MTCL1: variants seen among roughly 807,000 people sequenced by gnomAD.
The protein encoded by MTCL1 is microtubule cross-linking factor 1.
MTCL1 carries 79 observed loss-of-function variants against 141.4 expected under a neutral mutation model. The observed-to-expected ratio is 0.56, with a 90% CI of 0.47 to 0.67. The LOEUF (loss-of-function observed/expected upper bound fraction) is 0.67. Ranked by LOEUF, MTCL1 falls within the 30% of genes least tolerant of loss-of-function variation. The pLI is 0.00. For missense variants in MTCL1, 2,177 were observed against 2,113.9 expected (o/e 1.03, Z -0.59); for synonymous variants, 914 against 875.8 (o/e 1.04, Z -0.77).
At chr18:8,784,660 C>T (rs140313696) in exon 6 of MTCL1, 157 of 1,614,086 alleles carry the variant, frequency 9.7e-5, no homozygotes, top group Admixed American at 8.0e-4. Flanking sequence ...GGACCATCAA[C>T]GCCAAGATGA....
At chr18:8,831,075 C>T in intron 16 of MTCL1, 5 of 985,796 alleles carry the variant, frequency 5.1e-6, no homozygotes, top group Non-Finnish European at 6.0e-6. Flanking sequence ...TAAGCTACTC[C>T]CAGTCAATTT....
rs1039456650 is a variant in MTCL1, at chr18:8,706,534, G to T, written c.874G>T (p.Gly292Cys). The change falls in exon 1 of 14, where the codon GGT (glycine) becomes TGT (cysteine). Residue 292 changes from glycine (G) to cysteine (C), a missense_variant. Coordinates refer to the MTCL1 transcript ENST00000306329. The stretch of plus-strand genomic sequence containing the variant: ...GAGCATCCCGAGCGGGGTTTCGGGG[G>T]GTTTCGCGGGGCCCGGCGTGGCGGA... The T allele has an allele frequency of 2.9e-6, 4 of 1,373,468 alleles. No homozygotes were observed. The African/African-American group carries it at 6.1e-5, about 21-fold the overall frequency. 85.1% of individuals were successfully genotyped at this position (1,373,468 alleles called of 1,614,324 possible). A position where few individuals can be genotyped will look rare whatever the true frequency, so the allele number is the denominator to read the frequency against.
At chr18:8,762,652 T>C (rs1205743593) in intron 4 of MTCL1, among the ~76,000 whole-genome samples, 2 of 152,226 alleles carry the variant, frequency 1.3e-5, no homozygotes, top group African/African-American at 4.8e-5. Flanking sequence ...ACAGAGCGGC[T>C]GCCAGAACCC....
At chr18:8,738,740 G>A (rs2096286273) in intron 4 of MTCL1, among the ~76,000 whole-genome samples, 1 of 152,188 alleles carries the variant, frequency 6.6e-6, no homozygotes, top group South Asian at 2.1e-4. Flanking sequence ...GAGTGGATAG[G>A]GAGGCTCACA....
chr18:8,759,595 T>C (rs774636534), intron 4 of MTCL1, among the ~76,000 whole-genome samples: 6 of 152,122 alleles, frequency 3.9e-5, no homozygotes, highest in Non-Finnish European at 8.8e-5. Flanking sequence ...AAAACAATCT[T>C]ATGGGAAGAA....
At chr18:8,758,044 CAG>C (rs1471665361) in intron 4 of MTCL1, among the ~76,000 whole-genome samples, 1 of 131,396 alleles carries the variant, frequency 7.6e-6, no homozygotes. Flanking sequence ...TTTTTTGAGA[CAG>C]AGTTTCACTC....
chr18:8,767,120 C>T (rs1253869908), intron 4 of MTCL1, among the ~76,000 whole-genome samples: 3 of 152,160 alleles, frequency 2.0e-5, no homozygotes, highest in Non-Finnish European at 4.4e-5. Context: ...GGTTTTTGCT[C>T]CTTAAGAATC....
At chr18:8,784,169 C>T in exon 6 of MTCL1, 1 of 1,613,858 alleles carries the variant, frequency 6.2e-7, no homozygotes, top group Non-Finnish European at 8.5e-7. Flanking sequence ...CGGCAAGGTG[C>T]TCAAACTGCA....
At chr18:8,801,257 C>T (rs2076112145) in intron 10 of MTCL1, among the ~76,000 whole-genome samples, 1 of 152,078 alleles carries the variant, frequency 6.6e-6, no homozygotes, top group African/African-American at 2.4e-5. Flanking sequence ...GAAAAACTTC[C>T]AGAAAGAGCA....
At chr18:8,786,114 C>CCCCCCCA in intron 7 of MTCL1, 23 bp downstream of exon 6, 3 of 1,387,386 alleles carry the variant, frequency 2.2e-6, no homozygotes, top group South Asian at 2.5e-5. Context: ...AAGCAATCCC[C>CCCCCCCA]CCCCCCCGCC....
At chr18:8,817,909 C>G (rs2076711198) in intron 12 of MTCL1, among the ~76,000 whole-genome samples, 2 of 152,158 alleles carry the variant, frequency 1.3e-5, no homozygotes, top group Non-Finnish European at 2.9e-5. Context: ...GAAAGGGAAG[C>G]AATGAGGAGG....
chr18:8,743,995 G>C (rs2096320223), intron 4 of MTCL1, among the ~76,000 whole-genome samples: 1 of 152,240 alleles, frequency 6.6e-6, no homozygotes, highest in South Asian at 2.1e-4. Flanking sequence ...CATTTATTCT[G>C]CATGACTGGA....
chr18:8,816,469 C>T (rs1260310014), intron 12 of MTCL1, among the ~76,000 whole-genome samples: 1 of 152,196 alleles, frequency 6.6e-6, no homozygotes, highest in Non-Finnish European at 1.5e-5. Flanking sequence ...CACATTTTAT[C>T]TCTCTTATCA....
rs190881169 is a variant in MTCL1, at chr18:8,822,593, A to G, written c.3188+1095A>G. Among the ~76,000 whole-genome samples, 1 of 152,340 alleles carries G rather than the reference A, an allele frequency of 6.6e-6. No individual in the cohort carries two copies. Among genetic ancestry groups the G allele is most frequent in the East Asian group, 1.9e-4 (1 of 5,186 alleles). The stretch of plus-strand genomic sequence containing the variant: ...GGCGTGAGCCACTGTGCCCAGCCCA[A>G]ACTGCCTGGGTTTGAATCGCTTCTG... On this transcript the variant is annotated intron_variant, in intron 14 of 16. Transcript: ENST00000359865. This position sits in a 1 kb window ranked among gnomAD's most constrained non-coding sequence, Gnocchi z 4.6.
intron 4 of MTCL1, among the ~76,000 whole-genome samples, chr18:8,733,568 G>T (rs1202868049): frequency 6.6e-6 from 1 of 152,068 alleles, no homozygotes; most frequent in Admixed American, 6.6e-5. Flanking sequence ...ACCACACCTG[G>T]CTAATTTTTG....
At chr18:8,777,953 A>T in intron 5 of MTCL1, 61 bp downstream of exon 4, 2 of 1,506,220 alleles carry the variant, frequency 1.3e-6, no homozygotes, top group Non-Finnish European at 1.8e-6. Context: ...CTCATTTTGA[A>T]TGTTTTTCAG....
chr18:8,714,941 T>C (rs545846801), upstream of MTCL1, among the ~76,000 whole-genome samples: 316 of 152,066 alleles, frequency 2.1e-3, 4 homozygotes, highest in African/African-American at 6.8e-3. Context: ...GGACTACAGG[T>C]GCCCGCCACC....
At chr18:8,719,389 C>A (rs1294447624) in intron 3 of MTCL1, among the ~76,000 whole-genome samples, 2 of 152,172 alleles carry the variant, frequency 1.3e-5, no homozygotes, top group African/African-American at 4.8e-5. Context: ...GACAAAATGT[C>A]ATTCAGTGTG....
chr18:8,714,901 ATTC>A (rs932276329), upstream of MTCL1, among the ~76,000 whole-genome samples: 3 of 151,844 alleles, frequency 2.0e-5, no homozygotes, highest in African/African-American at 7.3e-5. Context: ...GGTTCACGCC[ATTC>A]TTCTGCCTCA....
Sources: allele counts gnomAD v4.1 joint callset (sites outside exome capture counted in the v4.1 genomes callset), GRCh38; gene constraint gnomAD v4.1.1; non-coding constraint Gnocchi (gnomAD v3.1); transcripts MANE v1.5; gene names NCBI Gene and HGNC (gene_info 2026-07-23, HGNC 2026-07-21).